The following IL6ST variants were observed in gnomAD, a reference collection of about 807,000 sequenced individuals.
IL6ST encodes interleukin 6 cytokine family signal transducer.
In IL6ST, 24 loss-of-function variants were observed where a neutral mutation model predicts 91.3. That is an observed-to-expected ratio of 0.26 (90% CI 0.19 to 0.37). The LOEUF (loss-of-function observed/expected upper bound fraction) is 0.37, where lower values mean the gene tolerates loss of function less well. Among genes scored for constraint, IL6ST ranks in the 10% least tolerant of loss-of-function variants. The pLI is 1.00. For synonymous variants in IL6ST, 351 were observed against 373.6 expected, an observed-to-expected ratio of 0.94 and a Z score of 0.70; for missense variants, 914 against 1,078.5, an observed-to-expected ratio of 0.85 and a Z score of 2.14.
At chr5:55,957,026 C>T (rs930836552) in intron 9 of IL6ST, among the ~76,000 whole-genome samples, 183 bp downstream of exon 9, 26 of 151,880 alleles carry the variant, frequency 1.7e-4, no homozygotes, top group African/African-American at 5.3e-4. Flanking sequence ...GGCGTGGTGG[C>T]GCACACCTGT....
chr5:55,950,201 T>C (rs749812199), intron 14 of IL6ST: 6 of 492,332 alleles, frequency 1.2e-5, no homozygotes, highest in East Asian at 5.8e-5. Context: ...AAAGAGAAGA[T>C]GGCTAAAGCC....
chr5:55,953,291 A>G (rs1239982028), intron 11 of IL6ST, among the ~76,000 whole-genome samples: 1 of 152,228 alleles, frequency 6.6e-6, no homozygotes, highest in East Asian at 1.9e-4. Flanking sequence ...TATTACCAAA[A>G]AATGAACAAT....
chr5:55,988,327 TATG>T (rs941216162), intron 1 of IL6ST, among the ~76,000 whole-genome samples: 1 of 152,196 alleles, frequency 6.6e-6, no homozygotes, highest in Non-Finnish European at 1.5e-5. Context: ...TTGTGAATGA[TATG>T]ATCATCTATC....
At chr5:55,965,726 G>A (rs370810716) in intron 5 of IL6ST, among the ~76,000 whole-genome samples, 4 of 151,372 alleles carry the variant, frequency 2.6e-5, no homozygotes, top group African/African-American at 9.7e-5. Flanking sequence ...CGGGGTGGTG[G>A]GTGCCTATAA....
rs115206104 is a variant in IL6ST, at chr5:55,984,165, A to G, written c.-103-1354T>C. 6.3e-3 allele frequency among the ~76,000 whole-genome samples: 957 copies of G among 152,358 alleles called. 2 individuals carry two copies. Among genetic ancestry groups the G allele is most frequent in the Non-Finnish European group, 0.011 (752 of 68,034 alleles). Reference sequence around the variant, plus strand: ...TAAAGTGCAAAAGCAGCCATACACAATATGTAAATAAGTGGGCATAGGTAT... The same window carrying G: ...TAAAGTGCAAAAGCAGCCATACACAGTATGTAAATAAGTGGGCATAGGTAT... On this transcript the variant is annotated intron_variant, in intron 1 of 16. Coordinates refer to ENST00000381298, the MANE Select transcript of IL6ST (RefSeq NM_002184.4).
At chr5:55,981,828 G>T (rs1183893946) in intron 2 of IL6ST, among the ~76,000 whole-genome samples, 3 of 152,052 alleles carry the variant, frequency 2.0e-5, no homozygotes, top group Non-Finnish European at 4.4e-5. Context: ...CTTGAAATTT[G>T]CAGGTAACTT....
chr5:55,940,188 AT>A lies in IL6ST; in HGVS notation c.*893del, dbSNP rs1354252945. 1.9e-5 allele frequency: 4 copies of A among 207,578 alleles called. No homozygotes were observed. The highest frequency in any genetic ancestry group is 1.5e-4 in the East Asian group (2 of 13,750). The allele number at this position is 207,578 out of a possible 1,614,324, so 12.9% of individuals were successfully genotyped here. On this transcript the variant is annotated 3_prime_UTR_variant, in exon 17 of 17. Coordinates refer to ENST00000381298, the MANE Select transcript of IL6ST (RefSeq NM_002184.4). Reference sequence around the variant, plus strand: ...GCAATTTAAGCCTTTTAACATGCCAATTTTTTAGATGCTTTATTGGTTTTTT... The same window carrying A: ...GCAATTTAAGCCTTTTAACATGCCAATTTTTAGATGCTTTATTGGTTTTTT...
Position 55,951,946 on chromosome 5 carries a change from A to T in IL6ST, c.1682T>A (p.Ile561Asn). The T allele has an allele frequency of 1.4e-6, 2 of 1,467,970 alleles. No individual in the cohort carries two copies. The highest frequency in any genetic ancestry group is 9.5e-7 in the Non-Finnish European group (1 of 1,055,194). The allele number at this position is 1,467,970 out of a possible 1,614,324, so 90.9% of individuals were successfully genotyped here. A position where few individuals can be genotyped will look rare whatever the true frequency, so the allele number is the denominator to read the frequency against. Residue 561 changes from isoleucine to asparagine, a missense_variant, in exon 13 of 17, where the codon ATC becomes AAC. Coordinates refer to ENST00000381298, the MANE Select transcript of IL6ST (RefSeq NM_002184.4). ...TTTATTACCAGTTTCATTTCCAATG[A>T]TGGTTCTATAAAATATAGTATAATT... is the stretch of plus-strand genomic sequence containing the variant. The part of the protein sequence containing the change: ...IRNYTIFYRT[I>N]IGNETAVNVD...
Position 55,977,820 on chromosome 5 carries a change from C to T in IL6ST, c.-15-1527G>A, listed in dbSNP as rs866987274. On this transcript the variant is annotated intron_variant, in intron 2 of 16. Transcript: ENST00000381298. ...CAGCATGGGCAACAGAGCGAGACCC[C>T]GACACACACAGACACACACACACAC... 4.4e-4 allele frequency among the ~76,000 whole-genome samples: 66 copies of T among 151,446 alleles called. No individual in the cohort carries two copies. The Middle Eastern group carries it at 0.01, about 23-fold the overall frequency.
chr5:55,990,281 T>C (rs1754236222), intron 1 of IL6ST, among the ~76,000 whole-genome samples: 1 of 147,236 alleles, frequency 6.8e-6, no homozygotes, highest in African/African-American at 2.5e-5. Flanking sequence ...CCGCAAAGTT[T>C]AAAAAAAAAA....
chr5:55,977,551 CGCGATGGCTCACGCCT>C (rs538075620), intron 2 of IL6ST, among the ~76,000 whole-genome samples: 56 of 152,182 alleles, frequency 3.7e-4, no homozygotes, highest in African/African-American at 1.2e-3. Context: ...TTTGGCAGGA[CGCGATGGCTCACGCCT>C]GTAATCCCAG....
chr5:55,947,210 G>A (rs1751322122), intron 15 of IL6ST, among the ~76,000 whole-genome samples: 2 of 152,102 alleles, frequency 1.3e-5, no homozygotes, highest in Admixed American at 1.3e-4. Flanking sequence ...AAAATAGATA[G>A]ATAAATAAAA....
intron 1 of IL6ST, among the ~76,000 whole-genome samples, chr5:55,991,105 T>C (rs1262096555): frequency 1.3e-5 from 2 of 152,230 alleles, no homozygotes; most frequent in South Asian, 2.1e-4. Flanking sequence ...TTCCATGGTG[T>C]ATATGTGCCA....
intron 16 of IL6ST, among the ~76,000 whole-genome samples, chr5:55,942,035 C>T (rs1466305347): frequency 6.6e-6 from 1 of 152,100 alleles, no homozygotes; most frequent in African/African-American, 2.4e-5. Context: ...TAATGGTCTA[C>T]AAGTAGTATT....
chr5:55,969,633 G>A lies in IL6ST; in HGVS notation c.287C>T (p.Ser96Leu), dbSNP rs1290416639. 3 of 1,611,224 alleles carry A rather than the reference G, an allele frequency of 1.9e-6. No individual in the cohort carries two copies. Among genetic ancestry groups the A allele is most frequent in the African/African-American group, 1.3e-5 (1 of 74,846 alleles). The change falls in exon 4 of 17, where the codon TCA (serine) becomes TTA (leucine). Residue 96 changes from serine to leucine, a missense_variant. Physicochemically the swap from Ser to Leu is moderately radical, Grantham distance 145. Coordinates refer to ENST00000381298, the MANE Select transcript of IL6ST (RefSeq NM_002184.4). The stretch of plus-strand genomic sequence containing the variant: ...GTTGCAAGTGAGCTGAATATTTAAT[G>A]AAGCTATATCTGTAAAGGTGACACT... The part of the protein sequence containing the change: ...ASSVTFTDIA[S>L]LNIQLTCNIL...
intron 2 of IL6ST, among the ~76,000 whole-genome samples, chr5:55,976,768 A>G (rs10471420): frequency 0.21 from 31,704 of 152,220 alleles, 4,139 homozygotes; most frequent in Admixed American, 0.31. Context: ...ACATATTTGA[A>G]TAGTTTATAG....
chr5:55,954,759 C>G, intron 11 of IL6ST, 51 bp downstream of exon 11: 1 of 1,409,738 alleles, frequency 7.1e-7, no homozygotes, highest in Non-Finnish European at 9.7e-7. Flanking sequence ...AAAAAGCTGC[C>G]TAAAGAGTTA....
intron 1 of IL6ST, among the ~76,000 whole-genome samples, chr5:55,984,097 C>T (rs992224366): frequency 6.6e-5 from 10 of 151,568 alleles, no homozygotes; most frequent in Non-Finnish European, 1.2e-4. Flanking sequence ...TTTTAGATTT[C>T]GTGGGCTTTA....
intron 7 of IL6ST, among the ~76,000 whole-genome samples, chr5:55,961,420 C>T (rs1164554825): frequency 6.6e-6 from 1 of 152,024 alleles, no homozygotes; most frequent in Non-Finnish European, 1.5e-5. Flanking sequence ...TGAAAGAAGC[C>T]GGTCAGCTAG....
Sources: allele counts gnomAD v4.1 joint callset (sites outside exome capture counted in the v4.1 genomes callset), GRCh38; gene constraint gnomAD v4.1.1; transcripts MANE v1.5; gene names NCBI Gene and HGNC (gene_info 2026-07-23, HGNC 2026-07-21).